The following SH3D19 variants were observed in gnomAD, a reference collection of about 807,000 sequenced individuals.
SH3D19 encodes SH3 domain containing 19.
In SH3D19, 58 loss-of-function variants were observed where a neutral mutation model predicts 112.1. That is an observed-to-expected ratio of 0.52 (90% CI 0.42 to 0.64). SH3D19 has a LOEUF of 0.64. SH3D19 is among the 30% of genes least tolerant of loss of function. The pLI is 0.00. For synonymous variants in SH3D19, 391 were observed against 448.5 expected, an observed-to-expected ratio of 0.87 and a Z score of 1.62; for missense variants, 1,090 against 1,263.4, an observed-to-expected ratio of 0.86 and a Z score of 2.08.
At chr4:151,220,527 G>T (rs1271869520) in intron 2 of SH3D19, among the ~76,000 whole-genome samples, 1 of 152,154 alleles carries the variant, frequency 6.6e-6, no homozygotes, top group Non-Finnish European at 1.5e-5. Flanking sequence ...TTTAGAGCTG[G>T]TGGGATGGTA....
chr4:151,317,513 A>G (rs1034670240), intron 1 of SH3D19, among the ~76,000 whole-genome samples: 1 of 152,264 alleles, frequency 6.6e-6, no homozygotes, highest in Non-Finnish European at 1.5e-5. Context: ...GTGAAGTTAT[A>G]GAACTGCTGG....
At position 151,153,500 on chromosome 4, in the gene SH3D19, G is replaced by C. The variant is rs1460311934; in HGVS notation, c.1756-3939C>G. ...GACCTCAGGTGATCCACCTGCCTCAGCCTCCCAAAGTGCTGTGAATACAGG... is the reference window on the plus strand; with the variant it reads ...GACCTCAGGTGATCCACCTGCCTCACCCTCCCAAAGTGCTGTGAATACAGG... On this transcript the variant is annotated intron_variant, in intron 9 of 19. Coordinates refer to ENST00000604030, the MANE Select transcript of SH3D19 (RefSeq NM_001378122.1). Among the ~76,000 whole-genome samples the C allele has an allele frequency of 3.9e-5, 6 of 152,134 alleles. 1 individual carries two copies. Among genetic ancestry groups the C allele is most frequent in the Non-Finnish European group, 2.9e-5 (2 of 68,018 alleles).
intron 7 of SH3D19, among the ~76,000 whole-genome samples, chr4:151,174,335 G>C (rs1189864280): frequency 6.6e-6 from 1 of 152,128 alleles, no homozygotes; most frequent in African/African-American, 2.4e-5. Flanking sequence ...AGAGTAAGGG[G>C]AGCCAGCCCC....
intron 1 of SH3D19, among the ~76,000 whole-genome samples, chr4:151,243,917 G>A (rs1011574833): frequency 2.0e-5 from 3 of 152,186 alleles, no homozygotes; most frequent in South Asian, 2.1e-4. Context: ...AACTGAACAA[G>A]GAGTACATCT....
At chr4:151,171,246 T>C (rs1459588093) in intron 7 of SH3D19, among the ~76,000 whole-genome samples, 1 of 151,900 alleles carries the variant, frequency 6.6e-6, no homozygotes, top group Non-Finnish European at 1.5e-5. Context: ...AAACAGTCAC[T>C]GAATTAATGG....
intron 7 of SH3D19, among the ~76,000 whole-genome samples, chr4:151,174,100 A>G (rs556888996): frequency 6.6e-6 from 1 of 152,200 alleles, no homozygotes; most frequent in African/African-American, 2.4e-5. Context: ...GATTAAAGGA[A>G]CAACTTTGCA....
intron 1 of SH3D19, chr4:151,291,173 G>T (rs758386774): frequency 6.2e-7 from 1 of 1,613,804 alleles, no homozygotes; most frequent in African/African-American, 1.3e-5. Context: ...ATCCAGACAG[G>T]AGTAGTAAGC....
rs558481251 is a variant in SH3D19 at position 151,255,236 on chromosome 4, G to C, written c.113-29150C>G. Among the ~76,000 whole-genome samples the C allele has an allele frequency of 6.5e-3, 978 of 150,242 alleles. 4 individuals are homozygous for C. The highest frequency in any genetic ancestry group is 0.022 in the African/African-American group (899 of 40,762). On this transcript the variant is annotated intron_variant, in intron 1 of 19. Transcript: ENST00000604030. ...AGGCTCCTCACTTCTCAGACGGGGC[G>C]GCTGCCGGGCGGAGGGGCTCCTCAC...
chr4:151,193,115 A>C (rs141400338), intron 2 of SH3D19, among the ~76,000 whole-genome samples: 97 of 152,248 alleles, frequency 6.4e-4, no homozygotes, highest in African/African-American at 2.0e-3. Flanking sequence ...TGTAATTTAA[A>C]TAGTACTAGT....
At chr4:151,228,477 T>C (rs1417345512) in intron 1 of SH3D19, among the ~76,000 whole-genome samples, 1 of 152,182 alleles carries the variant, frequency 6.6e-6, no homozygotes, top group Non-Finnish European at 1.5e-5. Context: ...ATATAAATAA[T>C]GGGGTGTGTG....
chr4:151,277,346 G>A lies in SH3D19; in HGVS notation c.112+47895C>T, dbSNP rs552607449. On this transcript the variant is annotated intron_variant, in intron 1 of 19. Coordinates refer to ENST00000604030, the MANE Select transcript of SH3D19 (RefSeq NM_001378122.1). ...AGTTATGAGTAGCACAGCCTGAGAA[G>A]GTCCTGAGAGGCTACTATATACCCA... 9.4e-4 allele frequency: 615 copies of A among 651,314 alleles called. 2 individuals carry two copies. In the Middle Eastern group the frequency reaches 0.011, roughly 11 times the overall value. 40.3% of individuals were successfully genotyped at this position (651,314 alleles called of 1,614,324 possible).
At chr4:151,252,562 T>C (rs1428541182) in intron 1 of SH3D19, among the ~76,000 whole-genome samples, 1 of 152,212 alleles carries the variant, frequency 6.6e-6, no homozygotes, top group Non-Finnish European at 1.5e-5. Flanking sequence ...GTGGGCTTTA[T>C]TTATACTCAC....
intron 2 of SH3D19, among the ~76,000 whole-genome samples, chr4:151,190,823 C>T (rs961463502): frequency 4.3e-4 from 66 of 152,282 alleles, no homozygotes; most frequent in African/African-American, 1.5e-3. Context: ...ACTGGGGCAT[C>T]GCCTAGTGGA....
At position 151,239,611 on chromosome 4, in the gene SH3D19, C is replaced by T. The variant is rs139224870; in HGVS notation, c.113-13525G>A. Among the ~76,000 whole-genome samples, 470 of 152,144 alleles carry T rather than the reference C, an allele frequency of 3.1e-3. 4 individuals carry two copies. The highest frequency in any genetic ancestry group is 4.6e-3 in the Non-Finnish European group (311 of 68,000). On this transcript the variant is annotated intron_variant, in intron 1 of 19. Coordinates refer to ENST00000604030, the MANE Select transcript of SH3D19 (RefSeq NM_001378122.1). ...GTGGGAAGCAATGCAATTACGACGA[C>T]GAAGCATAGGAAGCTACACAAAGGA...
intron 1 of SH3D19, among the ~76,000 whole-genome samples, chr4:151,234,233 T>C (rs1292353884): frequency 6.6e-6 from 1 of 152,236 alleles, no homozygotes; most frequent in Non-Finnish European, 1.5e-5. Context: ...AGGCTGCTAA[T>C]TCTTTTTAAT....
intron 9 of SH3D19, among the ~76,000 whole-genome samples, chr4:151,152,828 A>G (rs1755323294): frequency 6.6e-6 from 1 of 150,798 alleles, no homozygotes; most frequent in Admixed American, 6.6e-5. Context: ...CTTTTGCTAC[A>G]TATATATGTA....
At chr4:151,234,341 T>C (rs1264852277) in intron 1 of SH3D19, among the ~76,000 whole-genome samples, 1 of 152,226 alleles carries the variant, frequency 6.6e-6, no homozygotes, top group Non-Finnish European at 1.5e-5. Flanking sequence ...TTATGTTAGT[T>C]GTTTCAGAGA....
intron 1 of SH3D19, among the ~76,000 whole-genome samples, chr4:151,313,584 C>A (rs958467028): frequency 6.6e-6 from 1 of 151,998 alleles, no homozygotes; most frequent in African/African-American, 2.4e-5. Flanking sequence ...GCCCACCTAA[C>A]GTATTTTATT....
At chr4:151,287,953 T>G (rs1449979745) in intron 1 of SH3D19, among the ~76,000 whole-genome samples, 4 of 152,112 alleles carry the variant, frequency 2.6e-5, no homozygotes, top group African/African-American at 9.7e-5. Context: ...CCAGGAAACT[T>G]AGGTTGGTTT....
Sources: allele counts gnomAD v4.1 joint callset (sites outside exome capture counted in the v4.1 genomes callset), GRCh38; gene constraint gnomAD v4.1.1; transcripts MANE v1.5; gene names NCBI Gene and HGNC (gene_info 2026-07-23, HGNC 2026-07-21).